The following GRK3 variants were observed in gnomAD, a reference collection of about 807,000 sequenced individuals.
The protein encoded by GRK3 is G protein-coupled receptor kinase 3.
A neutral mutation model predicts 95.7 loss-of-function variants in GRK3; 54 were observed. The ratio of observed to expected loss-of-function variants is 0.56; its 90% confidence interval spans 0.45 to 0.71. The LOEUF (loss-of-function observed/expected upper bound fraction) is 0.71. GRK3 is among the 30% of genes least tolerant of loss of function. The pLI is 0.00. For missense variants in GRK3, 649 were observed against 851.2 expected (o/e 0.76, Z 2.96); for synonymous variants, 281 against 290.8 (o/e 0.97, Z 0.34).
At chr22:25,628,958 C>T (rs2084646219) in intron 2 of GRK3, among the ~76,000 whole-genome samples, 1 of 151,980 alleles carries the variant, frequency 6.6e-6, no homozygotes, top group South Asian at 2.1e-4. Flanking sequence ...ACAGCAGGTG[C>T]CTTGGGGGTG....
chr22:25,674,998 C>T (rs1292486187), intron 8 of GRK3, among the ~76,000 whole-genome samples: 1 of 151,820 alleles, frequency 6.6e-6, no homozygotes, highest in Non-Finnish European at 1.5e-5. Flanking sequence ...GAGCAATAAG[C>T]TGGAACCTCC....
intron 1 of GRK3, among the ~76,000 whole-genome samples, chr22:25,577,464 C>T (rs1044747826): frequency 2.6e-5 from 4 of 152,144 alleles, no homozygotes; most frequent in African/African-American, 7.2e-5. Context: ...CATGAGCCAC[C>T]GTGCCTGGCC....
chr22:25,691,661 T>C (rs565691627), intron 12 of GRK3, among the ~76,000 whole-genome samples: 3 of 152,354 alleles, frequency 2.0e-5, no homozygotes, highest in Admixed American at 2.0e-4. Flanking sequence ...AGTTATTTGG[T>C]ATGCTAATTT....
At chr22:25,589,367 G>C (rs1932420868) in intron 1 of GRK3, among the ~76,000 whole-genome samples, 1 of 152,028 alleles carries the variant, frequency 6.6e-6, no homozygotes, top group Admixed American at 6.6e-5. Context: ...TCTGGTGTCT[G>C]GTCTTTCAAC....
chr22:25,661,622 G>T lies in GRK3; in HGVS notation c.311G>T (p.Arg104Ile). 6.2e-7 allele frequency: 1 copy of T among 1,613,516 alleles called. No homozygotes were observed. Among genetic ancestry groups the T allele is most frequent in the African/African-American group, 1.3e-5 (1 of 75,032 alleles). The change falls in exon 4 of 21, where the codon AGA becomes ATA. Residue 104 changes from arginine (R) to isoleucine (I), a missense_variant. By Grantham distance (97) the Arg-to-Ile change is moderately conservative. Transcript: ENST00000324198. ...GATAATGAGGAAGACCGCCTTTGCAGAAGTCGACAAATTTATGATGCCTAC... is the reference window on the plus strand; with the variant it reads ...GATAATGAGGAAGACCGCCTTTGCATAAGTCGACAAATTTATGATGCCTAC... ...KLDNEEDRLC[R>I]SRQIYDAYIM...
At chr22:25,644,729 C>T in intron 3 of GRK3, 64 bp downstream of exon 3, 2 of 772,900 alleles carry the variant, frequency 2.6e-6, no homozygotes, top group Non-Finnish European at 4.2e-6. Flanking sequence ...TACTTTGGAA[C>T]ATATTAAGAC....
chr22:25,717,987 TA>T (rs1372905637), intron 18 of GRK3, among the ~76,000 whole-genome samples: 1 of 152,154 alleles, frequency 6.6e-6, no homozygotes, highest in Non-Finnish European at 1.5e-5. Context: ...CCCAGAGCAA[TA>T]AATGAACATC....
At position 25,615,083 on chromosome 22, in the gene GRK3, C is replaced by T. The variant is rs572267329; in HGVS notation, c.190+10630C>T. Among the ~76,000 whole-genome samples, 23 of 152,260 alleles carry T rather than the reference C, an allele frequency of 1.5e-4. 1 individual carries two copies. The South Asian group carries it at 1.7e-3, about 11-fold the overall frequency. On this transcript the variant is annotated intron_variant, in intron 2 of 20. Transcript: ENST00000324198. Reference sequence around the variant, plus strand: ...GCCTACTGGTCATTTTCCTGAGGCACGAATTTAAATCCTAAAGCAAACGTG... The same window carrying T: ...GCCTACTGGTCATTTTCCTGAGGCATGAATTTAAATCCTAAAGCAAACGTG...
intron 9 of GRK3, chr22:25,684,531 A>G (rs903636439): frequency 6.6e-6 from 1 of 152,344 alleles, no homozygotes; most frequent in African/African-American, 2.4e-5. Flanking sequence ...TTTCAAAACA[A>G]CGCCACAAAT....
At chr22:25,641,614 A>G (rs1273334585) in intron 2 of GRK3, among the ~76,000 whole-genome samples, 1 of 152,202 alleles carries the variant, frequency 6.6e-6, no homozygotes, top group African/African-American at 2.4e-5. Flanking sequence ...AGACAGCAGG[A>G]CAGTGAGAAT....
Position 25,674,896 on chromosome 22 carries a change from C to T in GRK3, c.647+368C>T, listed in dbSNP as rs955192300. ...CCCGGGAGGCAGAGCTTGCAGTGAG[C>T]GGAGTTTGCCACTGCACTCTAGCCT... On this transcript the variant is annotated intron_variant, in intron 8 of 20. Transcript: ENST00000324198. Among the ~76,000 whole-genome samples the T allele has an allele frequency of 3.9e-5, 6 of 152,036 alleles. No homozygotes were observed. The South Asian group carries it at 8.3e-4, about 21-fold the overall frequency.
At chr22:25,621,847 C>T (rs1310520314) in intron 2 of GRK3, among the ~76,000 whole-genome samples, 4 of 152,176 alleles carry the variant, frequency 2.6e-5, no homozygotes, top group African/African-American at 9.7e-5. Flanking sequence ...AAGTGACATT[C>T]TTTACTGACC....
chr22:25,685,703 T>C (rs561429618), intron 10 of GRK3, among the ~76,000 whole-genome samples: 5 of 152,336 alleles, frequency 3.3e-5, no homozygotes, highest in African/African-American at 1.2e-4. Flanking sequence ...TCTGCACTAC[T>C]GTACATTGAT....
At chr22:25,677,997 T>C (rs2085045383) in intron 8 of GRK3, among the ~76,000 whole-genome samples, 1 of 152,244 alleles carries the variant, frequency 6.6e-6, no homozygotes, top group South Asian at 2.1e-4. Context: ...AAAATCTTAT[T>C]GATTCTTTGT....
At chr22:25,687,093 T>C (rs547307562) in intron 10 of GRK3, among the ~76,000 whole-genome samples, 32 of 152,260 alleles carry the variant, frequency 2.1e-4, no homozygotes, top group African/African-American at 7.0e-4. Flanking sequence ...GTGCTGGGAT[T>C]ATAGGCATGA....
chr22:25,575,082 A>G (rs935334275), intron 1 of GRK3, among the ~76,000 whole-genome samples: 3 of 152,182 alleles, frequency 2.0e-5, no homozygotes, highest in African/African-American at 7.2e-5. Context: ...GTGGACAGGG[A>G]TTTATTAGAG....
At chr22:25,659,291 A>G (rs1048931848) in intron 3 of GRK3, among the ~76,000 whole-genome samples, 1 of 152,220 alleles carries the variant, frequency 6.6e-6, no homozygotes, top group Admixed American at 6.5e-5. Context: ...AATAAGGTGA[A>G]GGACAAAAGA....
At position 25,714,462 on chromosome 22, in the gene GRK3, C is replaced by T. The variant is rs145518376; in HGVS notation, c.1546C>T (p.Arg516Cys). ...YKNFPLVISE[R>C]WQQEVTETVY... Reference sequence around the variant, plus strand: ...GAACTTCCCTTTGGTCATCTCTGAACGCTGGCAGCAAGAAGTAACGGAAAC... The same window carrying T: ...GAACTTCCCTTTGGTCATCTCTGAATGCTGGCAGCAAGAAGTAACGGAAAC... Residue 516 changes from arginine (R) to cysteine (C), a missense_variant, in exon 18 of 21, where the codon CGC (arginine) becomes TGC (cysteine). This residue lies in a region of GRK3 where 382 missense variants were observed against 493.8 expected (regional missense o/e 0.77). Transcript: ENST00000324198. 203 of 1,613,772 alleles carry T rather than the reference C, an allele frequency of 1.3e-4. 1 individual carries two copies. Among genetic ancestry groups the T allele is most frequent in the Non-Finnish European group, 3.8e-5 (45 of 1,179,922 alleles).
intron 1 of GRK3, among the ~76,000 whole-genome samples, chr22:25,579,764 G>A (rs192371871): frequency 6.6e-6 from 1 of 152,116 alleles, no homozygotes; most frequent in East Asian, 1.9e-4. Flanking sequence ...GGGCCACCGA[G>A]CCTGGCCGAG....
Sources: gnomAD v4.1 joint callset for allele counts (sites outside exome capture counted in the v4.1 genomes callset) on GRCh38, gnomAD v4.1.1 for gene constraint, gnomAD v4.1.1 regional missense constraint, MANE v1.5 for transcripts, NCBI Gene and HGNC (gene_info 2026-07-23, HGNC 2026-07-21) for gene names.